Variants in NUP214 observed in about 807,000 individuals in gnomAD.
The protein encoded by NUP214 is nucleoporin 214.
A neutral mutation model predicts 196.2 loss-of-function variants in NUP214; 79 were observed. The ratio of observed to expected loss-of-function variants is 0.40; its 90% CI spans 0.34 to 0.49. NUP214 has a LOEUF of 0.49. Ranked by LOEUF, NUP214 falls within the 20% of genes least tolerant of loss-of-function variation. The probability of loss-of-function intolerance (pLI) is 0.58; values close to 1 mark genes in which losing one functional copy is unlikely to be tolerated. For synonymous variants in NUP214, 1,020 were observed against 990.5 expected (o/e 1.03, Z -0.56); for missense variants, 2,468 against 2,539.0 (o/e 0.97, Z 0.60).
In NUP214 at chr9:131,228,233, A is replaced by C; in HGVS notation, c.5976A>C (p.Pro1992=). 1 of 1,606,032 alleles carries C rather than the reference A, an allele frequency of 6.2e-7. No homozygotes were observed. The highest frequency in any genetic ancestry group is 8.5e-7 in the Non-Finnish European group (1 of 1,176,972). Residue 1992 remains proline (P), a synonymous_variant, in exon 33 of 36, where the codon CCA becomes CCC. Coordinates refer to ENST00000359428, the MANE Select transcript of NUP214 (RefSeq NM_005085.4). ...GATCCCCTGGGTTTGGAGGGGTGCCAGCATTCGGTTCAGCCCCAGCCTTTA... is the reference window on the plus strand; with the variant it reads ...GATCCCCTGGGTTTGGAGGGGTGCCCGCATTCGGTTCAGCCCCAGCCTTTA... ...FGGSPGFGGV[P]AFGSAPAFTS... is the part of the protein sequence containing the mutation.
At chr9:131,150,109 C>T (rs1832211935) in intron 14 of NUP214, 7 of 468,996 alleles carry the variant, frequency 1.5e-5, no homozygotes, top group South Asian at 1.1e-4. Context: ...AGGTAAGTTC[C>T]ATAAGAGTTG....
In NUP214 at chr9:131,174,282, G is replaced by T. The variant is rs1833039708; in HGVS notation, c.3121G>T (p.Val1041Phe). The change falls in exon 22 of 36, where the codon GTT becomes TTT. Residue 1041 changes from valine (V) to phenylalanine (F), a missense_variant. By Grantham distance (50) the Val-to-Phe change is conservative. Around this residue, in one of 5 missense-constraint regions of NUP214, gnomAD observed 1,801 missense variants for 1,779.4 expected, o/e 1.01. Transcript: ENST00000359428. ...AGCACCTTTTGCTAAATCTCACCTG[G>T]TTCATGGTTCTTCACCTGGTGTGAT... Reference protein sequence around the residue: ...HAAPFAKSHLVHGSSPGVMGT... With the variant: ...HAAPFAKSHLFHGSSPGVMGT... The T allele has an allele frequency of 6.2e-7, 1 of 1,613,678 alleles. No homozygotes were observed. Among genetic ancestry groups the T allele is most frequent in the Non-Finnish European group, 8.5e-7 (1 of 1,179,924 alleles).
intron 16 of NUP214, among the ~76,000 whole-genome samples, chr9:131,151,384 C>G (rs1209964601): frequency 1.3e-5 from 2 of 152,246 alleles, no homozygotes; most frequent in Non-Finnish European, 2.9e-5. Context: ...AATTCTGCTT[C>G]AGACTCTCTG....
intron 30 of NUP214, among the ~76,000 whole-genome samples, chr9:131,214,122 T>C (rs1834328173): frequency 6.6e-6 from 1 of 151,254 alleles, no homozygotes; most frequent in African/African-American, 2.4e-5. Context: ...CAGACCAGAG[T>C]AGAAAGGAGG....
chr9:131,174,431 A>G (rs879215076), intron 22 of NUP214, 113 bp downstream of exon 22: 2 of 666,242 alleles, frequency 3.0e-6, no homozygotes, highest in Non-Finnish European at 4.2e-6. Context: ...GCTCCAGCCC[A>G]CTTTTTTTTT....
chr9:131,172,208 A>G (rs2133582407), intron 21 of NUP214, among the ~76,000 whole-genome samples: 2 of 151,802 alleles, frequency 1.3e-5, no homozygotes, highest in East Asian at 3.9e-4. Context: ...CATCCTCTCC[A>G]GCACCTGTTG....
intron 16 of NUP214, among the ~76,000 whole-genome samples, chr9:131,151,261 A>G (rs2133516895): frequency 1.3e-5 from 2 of 152,342 alleles, no homozygotes; most frequent in South Asian, 4.1e-4. Flanking sequence ...TATCTCACTG[A>G]ATCCTCACAA....
chr9:131,127,592 C>T lies in NUP214; in HGVS notation c.114C>T (p.Arg38=), dbSNP rs1831401789. The T allele has an allele frequency of 1.2e-6, 2 of 1,614,008 alleles. No individual in the cohort carries two copies. Among genetic ancestry groups the T allele is most frequent in the African/African-American group, 1.3e-5 (1 of 74,918 alleles). The change falls in exon 2 of 36, where the codon CGC becomes CGT. Residue 38 remains arginine, a synonymous_variant. Coordinates refer to ENST00000359428, the MANE Select transcript of NUP214 (RefSeq NM_005085.4). The stretch of plus-strand genomic sequence containing the variant: ...CCCCTGAGGAATTGCCCAAGGAACG[C>T]TCGAGTCTGCTTGCTGTGTCCAACA... ...FDSPEELPKE[R]SSLLAVSNKY... is the part of the protein sequence containing the mutation.
At chr9:131,169,024 G>GTT (rs539553381) in intron 21 of NUP214, among the ~76,000 whole-genome samples, 10 of 48,908 alleles carry the variant, frequency 2.0e-4, no homozygotes, top group East Asian at 1.7e-3. Context: ...TGCTTACTTT[G>GTT]TTTTTTTTTG....
chr9:131,223,922 G>GA (rs1233825500), intron 32 of NUP214, among the ~76,000 whole-genome samples: 2 of 149,630 alleles, frequency 1.3e-5, no homozygotes, highest in Non-Finnish European at 3.0e-5. Context: ...TTTTAGTAGA[G>GA]ACGGGGTTTC....
intron 4 of NUP214, among the ~76,000 whole-genome samples, chr9:131,130,137 G>GTTTTTTTTTTTGTTTTTTTTTTTTTT (rs1554728065): frequency 2.6e-5 from 2 of 76,894 alleles, no homozygotes; most frequent in Non-Finnish European, 4.6e-5. Context: ...TTCTGGTTTT[G>GTTTTTTTTTTTGTTTTTTTTTTTTTT]TTTTTTTTTT....
chr9:131,200,582 G>A (rs1588163506), intron 29 of NUP214, among the ~76,000 whole-genome samples: 1 of 152,194 alleles, frequency 6.6e-6, no homozygotes, highest in South Asian at 2.1e-4. Context: ...CGTGGCAGGC[G>A]CATGTAGTCC....
chr9:131,156,238 T>C (rs1832437345), intron 17 of NUP214, among the ~76,000 whole-genome samples: 1 of 147,654 alleles, frequency 6.8e-6, no homozygotes, highest in Non-Finnish European at 1.5e-5. Context: ...GTTCACGCCA[T>C]CCTCCTGCCT....
chr9:131,211,291 A>C (rs532793165), intron 30 of NUP214, among the ~76,000 whole-genome samples: 1 of 152,356 alleles, frequency 6.6e-6, no homozygotes, highest in East Asian at 1.9e-4. Context: ...TCTCTGAAAA[A>C]GTCTCATAAA....
At chr9:131,152,806 G>T (rs1292984524) in intron 17 of NUP214, among the ~76,000 whole-genome samples, 6 of 150,740 alleles carry the variant, frequency 4.0e-5, no homozygotes, top group Non-Finnish European at 8.9e-5. Flanking sequence ...TTTTGAGACT[G>T]AGTCTCGCAC....
intron 26 of NUP214, chr9:131,190,595 T>A (rs1390483228): frequency 1.7e-6 from 1 of 584,318 alleles, no homozygotes; most frequent in Non-Finnish European, 3.0e-6. Context: ...CTAAAACCTC[T>A]AGAGAATAGT....
chr9:131,167,659 A>G (rs528636896), intron 21 of NUP214, among the ~76,000 whole-genome samples: 1 of 152,206 alleles, frequency 6.6e-6, no homozygotes, highest in East Asian at 1.9e-4. Flanking sequence ...TCTTTTAACT[A>G]TTCTGGTAGG....
chr9:131,132,531 A>T, intron 5 of NUP214, 65 bp from the exon 6 acceptor site: 1 of 1,371,792 alleles, frequency 7.3e-7, no homozygotes, highest in South Asian at 1.2e-5. Flanking sequence ...ATTAGATTTG[A>T]CAGTTTGATT....
At position 131,187,487 on chromosome 9, in the gene NUP214, A is replaced by G. The variant is rs576454987; in HGVS notation, c.3495+123A>G. The G allele has an allele frequency of 2.6e-4, 179 of 681,338 alleles. No homozygotes were observed. The African/African-American group carries it at 3.2e-3, about 12-fold the overall frequency. The allele number at this position is 681,338 out of a possible 1,614,324, so 42.2% of individuals were successfully genotyped here. On this transcript the variant is annotated intron_variant, in intron 25 of 35. Transcript: ENST00000359428. ...CCGCAACCTCTGCCTCCTGGGTTCA[A>G]GTGATTCTCGTGGCTCAGCCTCCTG...
Sources: gnomAD v4.1 joint callset for allele counts (sites outside exome capture counted in the v4.1 genomes callset) on GRCh38, gnomAD v4.1.1 for gene constraint, gnomAD v4.1.1 regional missense constraint, MANE v1.5 for transcripts, NCBI Gene and HGNC (gene_info 2026-07-23, HGNC 2026-07-21) for gene names.